The following PPP3CA variants were observed in gnomAD, a reference collection of about 807,000 sequenced individuals.
PPP3CA encodes protein phosphatase 3 catalytic subunit alpha.
A neutral mutation model predicts 66.5 loss-of-function variants in PPP3CA; 14 were observed. The ratio of observed to expected loss-of-function variants is 0.21; its 90% CI spans 0.14 to 0.33. PPP3CA has a LOEUF of 0.33. Among genes scored for constraint, PPP3CA ranks in the 10% least tolerant of loss-of-function variants. The pLI is 1.00. For synonymous variants in PPP3CA, 232 were observed against 226.2 expected (o/e 1.03, Z -0.23); for missense variants, 317 against 639.5 (o/e 0.50, Z 5.44).
chr4:101,193,574 C>T (rs555012147), intron 2 of PPP3CA, among the ~76,000 whole-genome samples: 53 of 152,214 alleles, frequency 3.5e-4, no homozygotes, highest in African/African-American at 1.1e-3. Flanking sequence ...TAAATCCACA[C>T]GCTAAATCCG....
intron 1 of PPP3CA, among the ~76,000 whole-genome samples, chr4:101,256,934 T>C (rs1726861480): frequency 6.6e-6 from 1 of 152,066 alleles, no homozygotes; most frequent in Non-Finnish European, 1.5e-5. Flanking sequence ...AGTTTTATCA[T>C]TGCTATGTGT....
At chr4:101,219,139 G>A (rs1725545576) in intron 1 of PPP3CA, among the ~76,000 whole-genome samples, 1 of 151,984 alleles carries the variant, frequency 6.6e-6, no homozygotes, top group Admixed American at 6.6e-5. Context: ...GGGCTTTATT[G>A]TCAAAGTCTG....
intron 1 of PPP3CA, among the ~76,000 whole-genome samples, chr4:101,199,431 G>A (rs1342327840): frequency 2.0e-5 from 3 of 152,158 alleles, no homozygotes; most frequent in Non-Finnish European, 4.4e-5. Flanking sequence ...TTCAGAAATA[G>A]CTGTTGATAT....
At chr4:101,277,754 T>C (rs1727548127) in intron 1 of PPP3CA, among the ~76,000 whole-genome samples, 1 of 152,210 alleles carries the variant, frequency 6.6e-6, no homozygotes, top group African/African-American at 2.4e-5. Flanking sequence ...ATTTATTAAG[T>C]ACCTACTATG....
intron 1 of PPP3CA, among the ~76,000 whole-genome samples, chr4:101,275,937 C>T (rs1196548363): frequency 6.6e-6 from 1 of 150,602 alleles, no homozygotes; most frequent in Non-Finnish European, 1.5e-5. Flanking sequence ...AGCTCTGTTG[C>T]CCAGACTGGA....
intron 11 of PPP3CA, among the ~76,000 whole-genome samples, chr4:101,037,090 C>G (rs897822734): frequency 1.3e-5 from 2 of 152,152 alleles, no homozygotes; most frequent in Non-Finnish European, 2.9e-5. Context: ...GGTAACAGTA[C>G]TTGTTCATAC....
At chr4:101,031,270 CA>C (rs1036095553) in intron 12 of PPP3CA, among the ~76,000 whole-genome samples, 1 of 151,710 alleles carries the variant, frequency 6.6e-6, no homozygotes, top group African/African-American at 2.4e-5. Context: ...AAAGAAAATA[CA>C]AAAAAGATTC....
intron 8 of PPP3CA, among the ~76,000 whole-genome samples, chr4:101,077,936 C>G (rs911263731): frequency 2.0e-5 from 3 of 151,830 alleles, no homozygotes; most frequent in African/African-American, 7.3e-5. Context: ...ACTGCATTAC[C>G]TAGCATTATG....
chr4:101,157,564 G>C (rs1339361278), intron 2 of PPP3CA, among the ~76,000 whole-genome samples: 2 of 152,156 alleles, frequency 1.3e-5, no homozygotes, highest in African/African-American at 2.4e-5. Context: ...AGAAATCCTA[G>C]AGGTAACCTA....
chr4:101,154,066 C>T (rs1375601332), intron 2 of PPP3CA, among the ~76,000 whole-genome samples: 1 of 152,044 alleles, frequency 6.6e-6, no homozygotes, highest in African/African-American at 2.4e-5. Context: ...AACAATAGAA[C>T]CAACTCAGTT....
chr4:101,294,611 TA>T (rs951940045), intron 1 of PPP3CA, among the ~76,000 whole-genome samples: 1 of 152,174 alleles, frequency 6.6e-6, no homozygotes, highest in Non-Finnish European at 1.5e-5. Context: ...ATTTTAATCA[TA>T]AAAAATACAT....
At chr4:101,346,330 C>T (rs981521290) in intron 1 of PPP3CA, among the ~76,000 whole-genome samples, 1 of 152,172 alleles carries the variant, frequency 6.6e-6, no homozygotes, top group African/African-American at 2.4e-5. Flanking sequence ...ATCACCCCTC[C>T]CTCTGCAGAA....
intron 1 of PPP3CA, among the ~76,000 whole-genome samples, chr4:101,285,880 T>C (rs1020331166): frequency 1.3e-5 from 2 of 152,166 alleles, no homozygotes; most frequent in African/African-American, 4.8e-5. Context: ...GCTGATAATT[T>C]ACACAATGAA....
chr4:101,099,463 C>A (rs1730346353), intron 4 of PPP3CA, 148 bp downstream of exon 4: 1 of 397,944 alleles, frequency 2.5e-6, no homozygotes, highest in Admixed American at 4.5e-5. Context: ...AATGTCCATG[C>A]TTAGAAAGAA....
At chr4:101,166,385 AT>A (rs1275856079) in intron 2 of PPP3CA, among the ~76,000 whole-genome samples, 1 of 152,196 alleles carries the variant, frequency 6.6e-6, no homozygotes, top group Non-Finnish European at 1.5e-5. Context: ...GATTTTTATC[AT>A]GCAAAATTCA....
In PPP3CA at chr4:101,176,735, C is replaced by T. The variant is rs2110171116; in HGVS notation, c.259+19181G>A. 1.3e-5 allele frequency among the ~76,000 whole-genome samples: 2 copies of T among 152,140 alleles called. 1 individual carries two copies. The highest frequency in any genetic ancestry group is 4.2e-4 in the South Asian group (2 of 4,810). On this transcript the variant is annotated intron_variant, in intron 2 of 13. Transcript: ENST00000394854. ...TCAAGATAGAGAAAATCACAGAGAA[C>T]TGTTTATTAAATTTTAATTACTGTG...
intron 1 of PPP3CA, among the ~76,000 whole-genome samples, chr4:101,261,397 A>G (rs1323244723): frequency 6.6e-6 from 1 of 152,130 alleles, no homozygotes; most frequent in Non-Finnish European, 1.5e-5. Flanking sequence ...TTAAATCTGG[A>G]GCAAAAATAT....
intron 8 of PPP3CA, among the ~76,000 whole-genome samples, chr4:101,079,780 A>C (rs111472179): frequency 0.023 from 3,553 of 152,336 alleles, 63 homozygotes; most frequent in Middle Eastern, 0.088. Flanking sequence ...TACATTTATG[A>C]AACAAGATAA....
chr4:101,183,735 C>T (rs1724316914), intron 2 of PPP3CA, among the ~76,000 whole-genome samples: 1 of 152,080 alleles, frequency 6.6e-6, no homozygotes, highest in African/African-American at 2.4e-5. Flanking sequence ...TTTCTTGATC[C>T]AAGTTTTTTT....
Sources: allele counts gnomAD v4.1 joint callset (sites outside exome capture counted in the v4.1 genomes callset), GRCh38; gene constraint gnomAD v4.1.1; transcripts MANE v1.5; gene names NCBI Gene and HGNC (gene_info 2026-07-23, HGNC 2026-07-21).